TRMT11: variants seen among roughly 807,000 people sequenced by gnomAD.
TRMT11 encodes the protein tRNA (guanine(10)-N(2))-methyltransferase TRMT11.
Under a neutral mutation model 62.8 loss-of-function variants are expected in TRMT11, and 53 were observed. That is an observed-to-expected ratio of 0.84 (90% CI 0.68 to 1.06). TRMT11 has a LOEUF of 1.06. Among genes scored for constraint, TRMT11 ranks in the 50% least tolerant of loss-of-function variants. TRMT11 has a pLI of 0.00. For missense variants in TRMT11, 556 were observed against 553.4 expected (o/e 1.00, Z -0.05); for synonymous variants, 188 against 190.3 (o/e 0.99, Z 0.10).
chr6:126,077,770 G>A (rs757624983), intron 17 of TRMT11, among the ~76,000 whole-genome samples: 1 of 152,180 alleles, frequency 6.6e-6, no homozygotes, highest in African/African-American at 2.4e-5. Flanking sequence ...CTAGTTTGGT[G>A]AGATAATGTT....
At chr6:126,124,342 T>C (rs1465438296) in intron 21 of TRMT11, among the ~76,000 whole-genome samples, 1 of 152,118 alleles carries the variant, frequency 6.6e-6, no homozygotes, top group Non-Finnish European at 1.5e-5. Context: ...AATGTGGGCA[T>C]GGAATGAGTG....
chr6:126,021,301 TG>T, intron 12 of TRMT11, 21 bp downstream of exon 12: 1 of 1,611,272 alleles, frequency 6.2e-7, no homozygotes, highest in South Asian at 1.1e-5. Flanking sequence ...TCAGTATTTT[TG>T]GGATAAATTC....
chr6:126,261,036 C>G, the TRMT11 span, among the ~76,000 whole-genome samples: 1 of 152,098 alleles, frequency 6.6e-6, no homozygotes, highest in African/African-American at 2.4e-5. Flanking sequence ...TTCTTTATTT[C>G]TTCTCCCTCT....
At chr6:126,061,397 A>C (rs1436064777) in intron 17 of TRMT11, among the ~76,000 whole-genome samples, 1 of 152,126 alleles carries the variant, frequency 6.6e-6, no homozygotes, top group Non-Finnish European at 1.5e-5. Flanking sequence ...TATTTAGGTG[A>C]ATTATTTGTT....
At chr6:126,238,285 A>T in the TRMT11 span, among the ~76,000 whole-genome samples, 147 of 150,930 alleles carry the variant, frequency 9.7e-4, no homozygotes, top group African/African-American at 3.4e-3. Flanking sequence ...CTTCTCTAGT[A>T]CTTTTAATTG....
chr6:126,080,596 G>A (rs528705340), intron 17 of TRMT11, among the ~76,000 whole-genome samples: 2 of 152,282 alleles, frequency 1.3e-5, no homozygotes, highest in East Asian at 3.9e-4. Flanking sequence ...TTCTCAAAGA[G>A]GCCTGTAGCT....
the TRMT11 span, among the ~76,000 whole-genome samples, chr6:126,234,386 A>G: frequency 6.6e-6 from 1 of 152,112 alleles, no homozygotes; most frequent in African/African-American, 2.4e-5. Flanking sequence ...TATTTAATTT[A>G]AAGTTTAAAA....
intron 17 of TRMT11, among the ~76,000 whole-genome samples, chr6:126,102,715 A>G (rs897465923): frequency 1.1e-4 from 16 of 152,126 alleles, no homozygotes; most frequent in African/African-American, 3.1e-4. Context: ...AGGGTCTGGT[A>G]TAATGGCAGT....
intron 1 of TRMT11, among the ~76,000 whole-genome samples, chr6:126,192,214 G>A (rs1443733727): frequency 1.3e-5 from 2 of 151,988 alleles, no homozygotes; most frequent in Non-Finnish European, 2.9e-5. Context: ...TATCACAAAT[G>A]AGATTGCTTT....
At position 126,080,090 on chromosome 6, in the gene TRMT11, TTTG is replaced by T. The variant is rs140821748; in HGVS notation, c.*1437+26921_*1437+26923del. On this transcript the variant is annotated intron_variant and NMD_transcript_variant, in intron 17 of 22. Coordinates refer to the TRMT11 transcript ENST00000648977. ...AAAAGAAAACCAACTCTAGTTCTGTTTTGTTGTTGTTGTTGTTGTTGTTTTTTT... is the reference window on the plus strand; with the variant it reads ...AAAAGAAAACCAACTCTAGTTCTGTTTTGTTGTTGTTGTTGTTGTTTTTTT... Among the ~76,000 whole-genome samples, 300 of 151,262 alleles carry T rather than the reference TTTG, an allele frequency of 2.0e-3. 6 individuals carry two copies. In the East Asian group the frequency reaches 0.054, roughly 27 times the overall value.
intron 16 of TRMT11, among the ~76,000 whole-genome samples, chr6:126,045,379 A>G (rs989569258): frequency 4.6e-5 from 7 of 152,126 alleles, no homozygotes; most frequent in African/African-American, 1.7e-4. Context: ...ATGCTGACAG[A>G]CACATAGCTT....
chr6:126,264,024 G>GTAAATAATAATTTACTTGAA, the TRMT11 span, among the ~76,000 whole-genome samples: 1 of 152,146 alleles, frequency 6.6e-6, no homozygotes, highest in Non-Finnish European at 1.5e-5. Flanking sequence ...CATGTCTCAA[G>GTAAATAATAATTTACTTGAA]TAAGAATTTG....
At chr6:126,149,891 T>C (rs1778017885) in intron 21 of TRMT11, among the ~76,000 whole-genome samples, 1 of 152,224 alleles carries the variant, frequency 6.6e-6, no homozygotes, top group Non-Finnish European at 1.5e-5. Context: ...AAAAGTGGAC[T>C]GTGTCTGTAT....
chr6:126,017,330 G>A (rs1357048836), intron 11 of TRMT11, among the ~76,000 whole-genome samples: 1 of 152,154 alleles, frequency 6.6e-6, no homozygotes, highest in South Asian at 2.1e-4. Flanking sequence ...TGATTGAAAA[G>A]TATAAGACAT....
chr6:126,085,836 G>A (rs1197313719), intron 17 of TRMT11, among the ~76,000 whole-genome samples: 4 of 152,276 alleles, frequency 2.6e-5, no homozygotes, highest in South Asian at 2.1e-4. Flanking sequence ...TACTTTGGGC[G>A]ATGATGTGTC....
At chr6:126,093,908 A>G (rs1159588908) in intron 17 of TRMT11, among the ~76,000 whole-genome samples, 1 of 152,068 alleles carries the variant, frequency 6.6e-6, no homozygotes, top group Non-Finnish European at 1.5e-5. Context: ...TTCCTGAATG[A>G]GTAAAGACTT....
At chr6:126,136,827 G>A (rs1295358389) in intron 21 of TRMT11, among the ~76,000 whole-genome samples, 1 of 151,426 alleles carries the variant, frequency 6.6e-6, no homozygotes, top group Non-Finnish European at 1.5e-5. Context: ...AGAAGTAAGT[G>A]CATGTATTTA....
intron 21 of TRMT11, among the ~76,000 whole-genome samples, chr6:126,130,241 G>C (rs1013540952): frequency 6.6e-6 from 1 of 152,018 alleles, no homozygotes; most frequent in Non-Finnish European, 1.5e-5. Context: ...ACAACAGCGG[G>C]GTCTTTGTTC....
intron 1 of TRMT11, among the ~76,000 whole-genome samples, chr6:126,178,694 C>A (rs1375157053): frequency 6.6e-6 from 1 of 152,084 alleles, no homozygotes; most frequent in Non-Finnish European, 1.5e-5. Flanking sequence ...ACTGAGAAAA[C>A]CAGCTGTTTA....
Sources: gnomAD v4.1 joint callset for allele counts (sites outside exome capture counted in the v4.1 genomes callset) on GRCh38, gnomAD v4.1.1 for gene constraint, MANE v1.5 for transcripts, NCBI Gene and HGNC (gene_info 2026-07-23, HGNC 2026-07-21) for gene names.